Variants in SARS1 observed in about 807,000 individuals in gnomAD.
SARS1 encodes the protein serine--tRNA ligase, cytoplasmic.
A neutral mutation model predicts 63.7 loss-of-function variants in SARS1; 25 were observed. The observed-to-expected ratio is 0.39, with a 90% confidence interval of 0.29 to 0.55. The LOEUF is 0.55. Ranked by LOEUF, SARS1 falls within the 20% of genes least tolerant of loss-of-function variation. The pLI, the probability that SARS1 is intolerant of heterozygous loss-of-function variation, is 0.62. For synonymous variants in SARS1, 231 were observed against 243.5 expected, an observed-to-expected ratio of 0.95 and a Z score of 0.48; for missense variants, 417 against 649.7, an observed-to-expected ratio of 0.64 and a Z score of 3.89.
At position 109,214,067 on chromosome 1, in the gene SARS1, G is replaced by A; in HGVS notation, c.75G>A (p.Lys25=). The change falls in exon 1 of 11, where the codon AAG becomes AAA. Residue 25 remains lysine, a synonymous_variant. Coordinates refer to ENST00000234677, the MANE Select transcript of SARS1 (RefSeq NM_006513.4). This position sits in a 1 kb window ranked among gnomAD's most constrained non-coding sequence, Gnocchi z 4.6. ...DPALIRETQE[K]RFKDPGLVDQ... ...CCCTCATCCGAGAGACGCAGGAGAA[G>A]CGCTTCAAGGACCCGGGACTAGTGG... 1 of 1,614,222 alleles carries A rather than the reference G, an allele frequency of 6.2e-7. No homozygotes were observed. The highest frequency in any genetic ancestry group is 8.5e-7 in the Non-Finnish European group (1 of 1,180,024).
At chr1:109,227,925 A>G (rs1052389340) in intron 2 of SARS1, among the ~76,000 whole-genome samples, 1 of 150,654 alleles carries the variant, frequency 6.6e-6, no homozygotes, top group African/African-American at 2.5e-5. Flanking sequence ...GTCAAAAAAA[A>G]AAAAAAAAAA....
chr1:109,218,615 C>T (rs1393373015), intron 1 of SARS1, among the ~76,000 whole-genome samples: 7 of 152,088 alleles, frequency 4.6e-5, no homozygotes, highest in South Asian at 2.1e-4. Context: ...TTCCTGGCCT[C>T]GCTGTCTACC....
At chr1:109,224,676 A>C (rs907581669) in intron 2 of SARS1, among the ~76,000 whole-genome samples, 2 of 149,754 alleles carry the variant, frequency 1.3e-5, no homozygotes, top group Non-Finnish European at 3.0e-5. Flanking sequence ...GCCTTCATCC[A>C]AAAAAAAAAT....
At chr1:109,215,791 C>T (rs1347530357) in intron 1 of SARS1, 2 of 431,938 alleles carry the variant, frequency 4.6e-6, no homozygotes, top group African/African-American at 4.3e-5. Flanking sequence ...CTGCAACCTC[C>T]ATCTCCCGGT....
At chr1:109,217,370 T>C (rs1310518173) in intron 1 of SARS1, among the ~76,000 whole-genome samples, 2 of 152,142 alleles carry the variant, frequency 1.3e-5, no homozygotes, top group African/African-American at 4.8e-5. Flanking sequence ...AAAGTGTGAA[T>C]ATCTCATGTA....
In SARS1 at chr1:109,235,366, C is replaced by T; in HGVS notation, c.904C>T (p.Arg302Cys). 1.9e-6 allele frequency: 3 copies of T among 1,614,070 alleles called. No individual in the cohort carries two copies. The highest frequency in any genetic ancestry group is 2.5e-6 in the Non-Finnish European group (3 of 1,180,018). ...GTATGCTGGCCTGTCTACCTGCTTCCGTCAGGAGGTGGGCTCCCATGGCCG... is the reference window on the plus strand; with the variant it reads ...GTATGCTGGCCTGTCTACCTGCTTCTGTCAGGAGGTGGGCTCCCATGGCCG... The part of the protein sequence containing the change: ...IKYAGLSTCF[R>C]QEVGSHGRDT... The change falls in exon 7 of 11, where the codon CGT (arginine) becomes TGT (cysteine). Residue 302 changes from arginine to cysteine, a missense_variant. By Grantham distance (180) the Arg-to-Cys change is radical (BLOSUM62 -3). Transcript: ENST00000234677. The surrounding 1 kb of genome is among the most constrained non-coding windows in gnomAD (Gnocchi z 4.7).
At chr1:109,219,042 G>A (rs550303049) in intron 1 of SARS1, among the ~76,000 whole-genome samples, 101 of 151,290 alleles carry the variant, frequency 6.7e-4, no homozygotes, top group Non-Finnish European at 1.1e-3. Flanking sequence ...CGAGGCGGGC[G>A]GATCATGAGG....
At chr1:109,232,650 T>G (rs554510114) in intron 6 of SARS1, among the ~76,000 whole-genome samples, 61 of 152,330 alleles carry the variant, frequency 4.0e-4, no homozygotes, top group African/African-American at 1.3e-3. Context: ...GGAAACAAAG[T>G]GCTCTCCCTA....
chr1:109,224,273 CTTTGTTGTCTAGCTG>C (rs1655020648), intron 2 of SARS1, among the ~76,000 whole-genome samples: 1 of 152,122 alleles, frequency 6.6e-6, no homozygotes, highest in Non-Finnish European at 1.5e-5. Flanking sequence ...AGGTAAGATT[CTTTGTTGTCTAGCTG>C]TTTGTTGTCT....
Position 109,217,002 on chromosome 1 carries a change from A to G in SARS1, c.136+2874A>G, listed in dbSNP as rs117247296. Reference sequence around the variant, plus strand: ...ATCATTGTTTGCCCCAGCAACTGGAATAGCTTTCTATCTGCTTTCAATCTT... The same window carrying G: ...ATCATTGTTTGCCCCAGCAACTGGAGTAGCTTTCTATCTGCTTTCAATCTT... On this transcript the variant is annotated intron_variant, in intron 1 of 10. Coordinates refer to ENST00000234677, the MANE Select transcript of SARS1 (RefSeq NM_006513.4). The G allele has an allele frequency of 2.3e-4, 231 of 985,420 alleles. 6 individuals are homozygous for G. The East Asian group carries it at 0.019, about 82-fold the overall frequency. 61.0% of individuals were successfully genotyped at this position (985,420 alleles called of 1,614,324 possible). A position where few individuals can be genotyped will look rare whatever the true frequency, so the allele number is the denominator to read the frequency against.
chr1:109,234,791 C>A (rs1557719674), intron 6 of SARS1, among the ~76,000 whole-genome samples: 1 of 152,092 alleles, frequency 6.6e-6, no homozygotes, highest in Non-Finnish European at 1.5e-5. Flanking sequence ...CATGGTGAAA[C>A]CTTGTCTCTA....
At position 109,228,344 on chromosome 1, in the gene SARS1, TC is replaced by T. The variant is rs778125045; in HGVS notation, c.208-6del. On this transcript the variant is annotated splice_polypyrimidine_tract_variant and splice_region_variant and intron_variant, in intron 2 of 10. Transcript: ENST00000234677. ...TTTATTTGTGTTGGGTTTTTTTCCT[TC>T]CTGCAGAAAAAAGAGCCAGTGGGAG... The T allele has an allele frequency of 5.0e-6, 8 of 1,607,614 alleles. No homozygotes were observed. In the African/African-American group the frequency reaches 9.4e-5, roughly 19 times the overall value.
intron 2 of SARS1, among the ~76,000 whole-genome samples, chr1:109,225,975 A>C (rs1423904634): frequency 6.6e-6 from 1 of 152,008 alleles, no homozygotes; most frequent in East Asian, 1.9e-4. Flanking sequence ...TCATTCTGAT[A>C]GTTTCAGATT....
At chr1:109,221,752 C>A (rs1654932602) in intron 1 of SARS1, among the ~76,000 whole-genome samples, 1 of 151,798 alleles carries the variant, frequency 6.6e-6, no homozygotes. Flanking sequence ...AAGGGATATA[C>A]TATATTCATT....
At chr1:109,216,669 G>C (rs1047821571) in intron 1 of SARS1, 1 of 829,296 alleles carries the variant, frequency 1.2e-6, no homozygotes, top group Non-Finnish European at 1.5e-6. Context: ...AGGTCTCACT[G>C]TGTCACCCAG....
chr1:109,222,486 ATC>A, intron 1 of SARS1, among the ~76,000 whole-genome samples: 1 of 152,270 alleles, frequency 6.6e-6, no homozygotes, highest in Admixed American at 6.5e-5. Flanking sequence ...CCTTCTTGCT[ATC>A]TCTTTGTAGT....
In SARS1 at chr1:109,216,654, A is replaced by T. The variant is rs1295388215; in HGVS notation, c.136+2526A>T. On this transcript the variant is annotated intron_variant, in intron 1 of 10. Coordinates refer to ENST00000234677, the MANE Select transcript of SARS1 (RefSeq NM_006513.4). The stretch of plus-strand genomic sequence containing the variant: ...TGTTGTTTCCTTTTTTTTTAATTTG[A>T]GACAAGGTCTCACTGTGTCACCCAG... 3.2e-6 allele frequency: 3 copies of T among 929,372 alleles called. No homozygotes were observed. The African/African-American group carries it at 5.4e-5, about 17-fold the overall frequency. 57.6% of individuals were successfully genotyped at this position (929,372 alleles called of 1,614,324 possible). A position where few individuals can be genotyped will look rare whatever the true frequency, so the allele number is the denominator to read the frequency against.
intron 1 of SARS1, chr1:109,215,248 A>T: frequency 1.0e-6 from 1 of 985,426 alleles, no homozygotes; most frequent in Non-Finnish European, 1.2e-6. Flanking sequence ...GTTGCAATGG[A>T]ATTTAATTTT....
Position 109,235,326 on chromosome 1 carries a change from G to A in SARS1, c.864G>A (p.Glu288=), listed in dbSNP as rs751095269. The A allele has an allele frequency of 1.2e-6, 2 of 1,614,138 alleles. No individual in the cohort carries two copies. The highest frequency in any genetic ancestry group is 2.2e-5 in the South Asian group (2 of 91,074). Residue 288 remains glutamate, a synonymous_variant, in exon 7 of 11, where the codon GAG becomes GAA. Transcript: ENST00000234677. The surrounding 1 kb of genome is among the most constrained non-coding windows in gnomAD (Gnocchi z 4.7). ...ACCGGGATGAGTGGCTCCGGCCGGA[G>A]GACCTGCCCATCAAGTATGCTGGCC... ...ALHRDEWLRP[E]DLPIKYAGLS...
Sources: allele counts gnomAD v4.1 joint callset (sites outside exome capture counted in the v4.1 genomes callset), GRCh38; gene constraint gnomAD v4.1.1; non-coding constraint Gnocchi (gnomAD v3.1); transcripts MANE v1.5; gene names NCBI Gene and HGNC (gene_info 2026-07-23, HGNC 2026-07-21).